SEC22C: variants seen among roughly 807,000 people sequenced by gnomAD.
SEC22C encodes the protein vesicle-trafficking protein SEC22c.
A neutral mutation model predicts 34.7 loss-of-function variants in SEC22C; 29 were observed. The observed-to-expected ratio is 0.84, with a 90% CI of 0.62 to 1.14. The LOEUF is 1.14. Among genes scored for constraint, SEC22C ranks in the 50% most tolerant of loss-of-function variants. SEC22C has a pLI of 0.00. For synonymous variants in SEC22C, 117 were observed against 132.8 expected, an observed-to-expected ratio of 0.88 and a Z score of 0.82; for missense variants, 337 against 369.0, an observed-to-expected ratio of 0.91 and a Z score of 0.71.
intron 1 of SEC22C, among the ~76,000 whole-genome samples, chr3:42,574,233 C>T (rs1703815165): frequency 6.6e-6 from 1 of 151,650 alleles, no homozygotes; most frequent in African/African-American, 2.4e-5. Flanking sequence ...ACTGCCAACC[C>T]AGAATCCTGT....
chr3:42,580,896 T>C (rs1297224556), intron 1 of SEC22C, among the ~76,000 whole-genome samples: 1 of 152,258 alleles, frequency 6.6e-6, no homozygotes, highest in Non-Finnish European at 1.5e-5. Context: ...TTACAACTGC[T>C]CTTTATCCAC....
Position 42,548,647 on chromosome 3 carries a change from C to T in SEC22C, c.*4601G>A. On this transcript the variant is annotated 3_prime_UTR_variant, in exon 7 of 7. Transcript: ENST00000264454. ...GGTTTGGTCCAACCAGCAGAACCAG[C>T]TCCTTGGATCCTGGAATAAACCAAA... 1.9e-6 allele frequency: 3 copies of T among 1,614,032 alleles called. No individual in the cohort carries two copies. The highest frequency in any genetic ancestry group is 2.5e-6 in the Non-Finnish European group (3 of 1,180,026).
rs1198835457 is a variant in SEC22C at position 42,551,032 on chromosome 3, C to A, written c.*2216G>T. 2 of 840,556 alleles carry A rather than the reference C, an allele frequency of 2.4e-6. No homozygotes were observed. Among genetic ancestry groups the A allele is most frequent in the Non-Finnish European group, 2.9e-6 (2 of 698,350 alleles). 52.1% of individuals were successfully genotyped at this position (840,556 alleles called of 1,614,324 possible). A position where few individuals can be genotyped will look rare whatever the true frequency, so the allele number is the denominator to read the frequency against. On this transcript the variant is annotated 3_prime_UTR_variant, in exon 7 of 7. Transcript: ENST00000264454. ...TACAGGCACAAGCCACCGTGCCCAGCTAATTTTTGTATTTTTAGTAGAGAT... is the reference window on the plus strand; with the variant it reads ...TACAGGCACAAGCCACCGTGCCCAGATAATTTTTGTATTTTTAGTAGAGAT...
intron 5 of SEC22C, among the ~76,000 whole-genome samples, 199 bp from the exon 6 acceptor site, chr3:42,556,194 C>A (rs1424109511): frequency 6.6e-6 from 1 of 152,212 alleles, no homozygotes; most frequent in African/African-American, 2.4e-5. Flanking sequence ...ACAGCATGTG[C>A]CTCCTGTCCC....
chr3:42,551,156 GTTC>G lies in SEC22C; in HGVS notation c.*2089_*2091del. 2.0e-6 allele frequency: 2 copies of G among 985,068 alleles called. No homozygotes were observed. The highest frequency in any genetic ancestry group is 2.4e-6 in the Non-Finnish European group (2 of 829,852). 61.0% of individuals were successfully genotyped at this position (985,068 alleles called of 1,614,324 possible). A position where few individuals can be genotyped will look rare whatever the true frequency, so the allele number is the denominator to read the frequency against. On this transcript the variant is annotated 3_prime_UTR_variant, in exon 7 of 7. Transcript: ENST00000264454. The stretch of plus-strand genomic sequence containing the variant: ...TGTTATTGACTTTTAAAGCTTTTTT[GTTC>G]TTCTCATTTAAAACATTTTACCTCC...
chr3:42,598,142 T>A (rs1414005280), intron 1 of SEC22C, among the ~76,000 whole-genome samples: 1 of 152,200 alleles, frequency 6.6e-6, no homozygotes, highest in Non-Finnish European at 1.5e-5. Flanking sequence ...ATAACAGTAC[T>A]ATTTACAACA....
intron 1 of SEC22C, among the ~76,000 whole-genome samples, chr3:42,598,092 T>C (rs1705083794): frequency 2.0e-5 from 3 of 152,148 alleles, no homozygotes; most frequent in Admixed American, 2.0e-4. Flanking sequence ...CCAAAATAAT[T>C]GAAAGCAGGT....
Position 42,568,951 on chromosome 3 carries a change from T to C in SEC22C, c.96A>G (p.Glu32=), listed in dbSNP as rs1479408345. 1 of 1,614,036 alleles carries C rather than the reference T, an allele frequency of 6.2e-7. No individual in the cohort carries two copies. The highest frequency in any genetic ancestry group is 1.3e-5 in the African/African-American group (1 of 74,918). ...TDFYHTQDFL[E]WRRRLKSLAL... ...CTAAACTCTTGAGCCGTCTCCTCCATTCCAAAAAATCTTGGGTGTGGTAAA... is the reference window on the plus strand; with the variant it reads ...CTAAACTCTTGAGCCGTCTCCTCCACTCCAAAAAATCTTGGGTGTGGTAAA... Residue 32 remains glutamate, a synonymous_variant, in exon 2 of 7, where the codon GAA becomes GAG. Coordinates refer to ENST00000264454, the MANE Select transcript of SEC22C (RefSeq NM_032970.4).
upstream of SEC22C, chr3:42,582,158 G>C (rs1704425160): frequency 6.6e-6 from 1 of 152,248 alleles, no homozygotes; most frequent in African/African-American, 2.4e-5. Flanking sequence ...GGGGGCGCGC[G>C]CCTCCCAACT....
intron 1 of SEC22C, among the ~76,000 whole-genome samples, chr3:42,590,624 G>T (rs776214134): frequency 6.6e-6 from 1 of 151,958 alleles, no homozygotes; most frequent in South Asian, 2.1e-4. Context: ...CACTGGAGGT[G>T]CTGACGCCAG....
chr3:42,575,795 T>C (rs910262074), intron 1 of SEC22C, among the ~76,000 whole-genome samples: 1 of 152,196 alleles, frequency 6.6e-6, no homozygotes, highest in African/African-American at 2.4e-5. Context: ...ATTTATAATA[T>C]TGCATCCAAC....
At chr3:42,599,671 G>A (rs1325246109) in intron 1 of SEC22C, among the ~76,000 whole-genome samples, 3 of 149,444 alleles carry the variant, frequency 2.0e-5, no homozygotes, top group African/African-American at 7.4e-5. Context: ...CAGCCTGGGC[G>A]ACAGAGCGAG....
Position 42,548,670 on chromosome 3 carries a change from AAAC to A in SEC22C, c.*4575_*4577del. Reference sequence around the variant, plus strand: ...AGCTCCTTGGATCCTGGAATAAACCAAACATCAATGGTACCATGCGCTCTGTGC... The same window carrying A: ...AGCTCCTTGGATCCTGGAATAAACCAATCAATGGTACCATGCGCTCTGTGC... On this transcript the variant is annotated 3_prime_UTR_variant, in exon 7 of 7. Coordinates refer to ENST00000264454, the MANE Select transcript of SEC22C (RefSeq NM_032970.4). 41 of 1,614,100 alleles carry A rather than the reference AAAC, an allele frequency of 2.5e-5. No individual in the cohort carries two copies. Among genetic ancestry groups the A allele is most frequent in the Non-Finnish European group, 3.5e-5 (41 of 1,180,030 alleles).
chr3:42,581,810 G>T (rs545724725), intron 1 of SEC22C, 36 bp downstream of exon 1: 2 of 152,366 alleles, frequency 1.3e-5, no homozygotes, highest in Non-Finnish European at 2.9e-5. Context: ...CTTGGCTAAC[G>T]GGCCGCGGCA....
At chr3:42,564,681 G>A (rs1456586088) in intron 2 of SEC22C, among the ~76,000 whole-genome samples, 1 of 152,138 alleles carries the variant, frequency 6.6e-6, no homozygotes, top group Non-Finnish European at 1.5e-5. Context: ...CTGTATCAAT[G>A]GGAAAATTAT....
chr3:42,562,111 T>A (rs751416059), intron 3 of SEC22C, among the ~76,000 whole-genome samples: 21 of 152,208 alleles, frequency 1.4e-4, no homozygotes, highest in African/African-American at 5.1e-4. Context: ...AAATCCATTA[T>A]CACATCTGAA....
chr3:42,598,958 G>A (rs1329443796), intron 1 of SEC22C, among the ~76,000 whole-genome samples: 2 of 141,888 alleles, frequency 1.4e-5, no homozygotes, highest in Admixed American at 6.9e-5. Flanking sequence ...TAGATCTATA[G>A]ATCTATAGAT....
Position 42,553,412 on chromosome 3 carries a change from T to C in SEC22C, c.748A>G (p.Met250Val), listed in dbSNP as rs771129762. ...AAGAGCAGCATAAGCACCACCTTCA[T>C]AGTCCTGGCTGGACTGTAGAACAGG... ...LYLFYSPART[M>V]KVVLMLLFIC... is the part of the protein sequence containing the mutation. The change falls in exon 7 of 7, where the codon ATG becomes GTG. Residue 250 changes from methionine (M) to valine (V), a missense_variant. Coordinates refer to ENST00000264454, the MANE Select transcript of SEC22C (RefSeq NM_032970.4). 10 of 1,613,994 alleles carry C rather than the reference T, an allele frequency of 6.2e-6. No homozygotes were observed. Among genetic ancestry groups the C allele is most frequent in the South Asian group, 5.5e-5 (5 of 91,078 alleles).
intron 2 of SEC22C, among the ~76,000 whole-genome samples, chr3:42,566,169 G>A (rs1703223569): frequency 6.6e-6 from 1 of 152,174 alleles, no homozygotes; most frequent in Non-Finnish European, 1.5e-5. Context: ...CATGTGGGCA[G>A]GTGCAACTCA....
Sources: gnomAD v4.1 joint callset for allele counts (sites outside exome capture counted in the v4.1 genomes callset) on GRCh38, gnomAD v4.1.1 for gene constraint, MANE v1.5 for transcripts, NCBI Gene and HGNC (gene_info 2026-07-23, HGNC 2026-07-21) for gene names.